MCTP1: variants seen among roughly 807,000 people sequenced by gnomAD.
MCTP1 encodes multiple C2 and transmembrane domain-containing protein 1.
MCTP1 carries 69 observed loss-of-function variants against 120.6 expected under a neutral mutation model. The observed-to-expected ratio is 0.57, with a 90% confidence interval of 0.47 to 0.70. The LOEUF (loss-of-function observed/expected upper bound fraction) is 0.70. Ranked by LOEUF, MCTP1 falls within the 30% of genes least tolerant of loss-of-function variation. The pLI, the probability that MCTP1 is intolerant of heterozygous loss-of-function variation, is 0.00. For synonymous variants in MCTP1, 529 were observed against 493.1 expected (o/e 1.07, Z -0.96); for missense variants, 1,203 against 1,248.8 (o/e 0.96, Z 0.55).
rs73774878 is a variant in MCTP1, at chr5:94,997,601, T to G, written c.838+19766A>C. Among the ~76,000 whole-genome samples, 761 of 152,280 alleles carry G rather than the reference T, an allele frequency of 5.0e-3. 6 individuals carry two copies. Among genetic ancestry groups the G allele is most frequent in the African/African-American group, 0.017 (708 of 41,562 alleles). The stretch of plus-strand genomic sequence containing the variant: ...TGGGCATGTCAGTCATGACTCTTTA[T>G]AATGGGGAAGGGAGGGATTACCCTC... On this transcript the variant is annotated intron_variant, in intron 2 of 22. Transcript: ENST00000515393.
chr5:95,078,197 C>T (rs974275556), intron 1 of MCTP1, among the ~76,000 whole-genome samples: 2 of 152,190 alleles, frequency 1.3e-5, no homozygotes, highest in African/African-American at 4.8e-5. Context: ...CTTCTCCATT[C>T]TACAATTCGT....
At chr5:95,045,268 T>G (rs978655038) in intron 1 of MCTP1, among the ~76,000 whole-genome samples, 1 of 152,188 alleles carries the variant, frequency 6.6e-6, no homozygotes, top group African/African-American at 2.4e-5. Flanking sequence ...CTCATGCCCA[T>G]CTAAAGAGTT....
rs1184063025 is a variant in MCTP1 at position 94,724,028 on chromosome 5, A to T, written c.2611-9142T>A. 6.6e-5 allele frequency among the ~76,000 whole-genome samples: 10 copies of T among 152,214 alleles called. No homozygotes were observed. In the East Asian group the frequency reaches 1.9e-3, roughly 29 times the overall value. On this transcript the variant is annotated intron_variant, in intron 19 of 22. Coordinates refer to ENST00000515393, the MANE Select transcript of MCTP1 (RefSeq NM_024717.7). ...AAGTTGACTGACTATGAGAAAGGGA[A>T]GGAAAATGTCTCTGGTCAGAAACAC...
At position 94,940,099 on chromosome 5, in the gene MCTP1, TC is replaced by T; in HGVS notation, c.1157del (p.Gly386GlufsTer6). ...GGGAACTTACCACATCCCTGGACTC[TC>T]CTTCTTTAGGGGTAAGGATGACTGA... is the stretch of plus-strand genomic sequence containing the variant. ...LLSVILTPKE[G>X]ESRDVTMLMR... is the part of the protein sequence containing the mutation. On this transcript the variant is annotated frameshift_variant, in exon 5 of 23. Coordinates refer to ENST00000515393, the MANE Select transcript of MCTP1 (RefSeq NM_024717.7). LOFTEE classifies it high-confidence loss of function. 1 of 1,602,164 alleles carries T rather than the reference TC, an allele frequency of 6.2e-7. No individual in the cohort carries two copies. The highest frequency in any genetic ancestry group is 1.7e-5 in the Admixed American group (1 of 59,778).
intron 17 of MCTP1, among the ~76,000 whole-genome samples, chr5:94,803,444 C>T (rs895467432): frequency 6.6e-6 from 1 of 152,194 alleles, no homozygotes; most frequent in Non-Finnish European, 1.5e-5. Flanking sequence ...GGCATCCAAG[C>T]TCTCTAGTCA....
At chr5:94,747,137 C>G (rs962151183) in intron 19 of MCTP1, among the ~76,000 whole-genome samples, 3 of 152,042 alleles carry the variant, frequency 2.0e-5, no homozygotes, top group Non-Finnish European at 2.9e-5. Context: ...TCCAGGAGTT[C>G]TGTGTGTGAA....
chr5:95,246,289 C>T (rs182002585), intron 1 of MCTP1, among the ~76,000 whole-genome samples: 2 of 152,276 alleles, frequency 1.3e-5, no homozygotes, highest in Admixed American at 1.3e-4. Flanking sequence ...AAATAACCAG[C>T]TAACATCATA....
chr5:95,192,470 A>T (rs1749931049), intron 1 of MCTP1, among the ~76,000 whole-genome samples: 1 of 152,054 alleles, frequency 6.6e-6, no homozygotes, highest in African/African-American at 2.4e-5. Flanking sequence ...GCCAACTTCT[A>T]GAGTACTGTC....
At chr5:95,017,620 C>T in intron 1 of MCTP1, 136 bp from the exon 2 acceptor site, 1 of 416,400 alleles carries the variant, frequency 2.4e-6, no homozygotes, top group Non-Finnish European at 4.1e-6. Flanking sequence ...TTCATACAGT[C>T]TCATAATCAC....
intron 19 of MCTP1, among the ~76,000 whole-genome samples, chr5:94,740,837 A>G (rs946603211): frequency 3.9e-5 from 6 of 152,294 alleles, no homozygotes; most frequent in African/African-American, 1.2e-4. Context: ...TCCTGACTCT[A>G]TTAACTTTGG....
chr5:94,914,526 A>G (rs1188479825), intron 8 of MCTP1, among the ~76,000 whole-genome samples: 1 of 152,270 alleles, frequency 6.6e-6, no homozygotes, highest in Admixed American at 6.5e-5. Context: ...AAAATCTTTC[A>G]AAATCACATT....
chr5:94,863,299 C>T (rs550943039), intron 17 of MCTP1, among the ~76,000 whole-genome samples: 2 of 151,724 alleles, frequency 1.3e-5, no homozygotes, highest in South Asian at 4.2e-4. Context: ...ACAAAAGTTA[C>T]ATCTAGAACA....
At position 95,168,237 on chromosome 5, in the gene MCTP1, T is replaced by C. The variant is rs551500733; in HGVS notation, c.720+115619A>G. ...GTGGTAGTATTTCTGAGGGCTCTGTTCTGTTCCATTGGTTTATTTCTCTGT... is the reference window on the plus strand; with the variant it reads ...GTGGTAGTATTTCTGAGGGCTCTGTCCTGTTCCATTGGTTTATTTCTCTGT... On this transcript the variant is annotated intron_variant, in intron 1 of 22. Coordinates refer to ENST00000515393, the MANE Select transcript of MCTP1 (RefSeq NM_024717.7). 1.8e-4 allele frequency among the ~76,000 whole-genome samples: 27 copies of C among 152,328 alleles called. 1 individual carries two copies. The highest frequency in any genetic ancestry group is 6.0e-4 in the African/African-American group (25 of 41,572).
intron 19 of MCTP1, among the ~76,000 whole-genome samples, chr5:94,735,438 C>T (rs777116032): frequency 1.3e-5 from 2 of 152,082 alleles, no homozygotes; most frequent in Non-Finnish European, 2.9e-5. Flanking sequence ...ACCGCCATGC[C>T]TGGTTAATTT....
intron 1 of MCTP1, among the ~76,000 whole-genome samples, chr5:95,248,485 G>A (rs1562275971): frequency 6.6e-6 from 1 of 152,134 alleles, no homozygotes; most frequent in Non-Finnish European, 1.5e-5. Flanking sequence ...TCTCTTTAAG[G>A]AGAACTACAA....
chr5:95,044,429 T>G (rs1842834503), intron 1 of MCTP1, among the ~76,000 whole-genome samples: 1 of 152,202 alleles, frequency 6.6e-6, no homozygotes, highest in East Asian at 1.9e-4. Flanking sequence ...CGATGTGATC[T>G]TCAGTCCTTT....
At chr5:95,196,017 A>C (rs1257150467) in intron 1 of MCTP1, among the ~76,000 whole-genome samples, 2 of 152,066 alleles carry the variant, frequency 1.3e-5, no homozygotes, top group Non-Finnish European at 2.9e-5. Context: ...AAATCTCTAC[A>C]CTGGGCCAAA....
intron 1 of MCTP1, among the ~76,000 whole-genome samples, chr5:95,205,760 A>T (rs1751551925): frequency 6.6e-6 from 1 of 152,192 alleles, no homozygotes; most frequent in Non-Finnish European, 1.5e-5. Flanking sequence ...AGATAAACAC[A>T]TGGCCAATAA....
chr5:94,916,661 G>C (rs1810150533), intron 8 of MCTP1, among the ~76,000 whole-genome samples: 1 of 152,184 alleles, frequency 6.6e-6, no homozygotes, highest in Non-Finnish European at 1.5e-5. Flanking sequence ...TGAGTCACTT[G>C]CTGCTCTGTT....
Sources: allele counts gnomAD v4.1 joint callset (sites outside exome capture counted in the v4.1 genomes callset), GRCh38; gene constraint gnomAD v4.1.1; transcripts MANE v1.5; gene names NCBI Gene and HGNC (gene_info 2026-07-23, HGNC 2026-07-21).